PRRC2B: variants seen among roughly 807,000 people sequenced by gnomAD.
PRRC2B encodes protein PRRC2B.
A neutral mutation model predicts 242.3 loss-of-function variants in PRRC2B; 68 were observed. The observed-to-expected ratio is 0.28, with a 90% CI of 0.23 to 0.34. PRRC2B has a LOEUF of 0.34. PRRC2B is among the 10% of genes least tolerant of loss of function. PRRC2B has a pLI of 1.00. For missense variants in PRRC2B, 2,835 were observed against 2,954.8 expected, an observed-to-expected ratio of 0.96 and a Z score of 0.94; for synonymous variants, 1,228 against 1,173.6, an observed-to-expected ratio of 1.05 and a Z score of -0.95.
intron 26 of PRRC2B, among the ~76,000 whole-genome samples, chr9:131,486,914 G>A (rs577758426): frequency 7.9e-5 from 12 of 152,336 alleles, no homozygotes; most frequent in Admixed American, 2.0e-4. Context: ...CTCTGTTGAC[G>A]TATGTGCTAG....
chr9:131,410,565 A>G (rs1479998700), intron 1 of PRRC2B, among the ~76,000 whole-genome samples: 1 of 152,216 alleles, frequency 6.6e-6, no homozygotes, highest in Admixed American at 6.5e-5. Context: ...GTTCAGGTTC[A>G]GATTTTTTAG....
rs1037728183 is a variant in PRRC2B, at chr9:131,453,383, T to C, written c.1121-1693T>C. Among the ~76,000 whole-genome samples the C allele has an allele frequency of 6.6e-5, 10 of 152,224 alleles. No individual in the cohort carries two copies. The South Asian group carries it at 1.7e-3, about 25-fold the overall frequency. ...TTAGATTGAGTTTTTGTTGTTACCT[T>C]TTAAATTTTTTTAATTTTAATTTAA... is the stretch of plus-strand genomic sequence containing the variant. On this transcript the variant is annotated intron_variant, in intron 9 of 31. Transcript: ENST00000683519.
In PRRC2B at chr9:131,436,741, T is replaced by A; in HGVS notation, c.396+19T>A. On this transcript the variant is annotated intron_variant, in intron 4 of 31. Transcript: ENST00000683519. ...TCAGGAGGTAGGTGCTGGGACCCCA[T>A]CCCAACTGTTTCCTGGGCATGGTAG... The A allele has an allele frequency of 6.3e-7, 1 of 1,591,174 alleles. No individual in the cohort carries two copies. The highest frequency in any genetic ancestry group is 8.6e-7 in the Non-Finnish European group (1 of 1,160,932).
In PRRC2B at chr9:131,500,123, A is replaced by G. The variant is rs1006598307; in HGVS notation, c.*4249A>G. On this transcript the variant is annotated 3_prime_UTR_variant, in exon 32 of 32. Coordinates refer to ENST00000683519, the MANE Select transcript of PRRC2B (RefSeq NM_013318.4). Reference sequence around the variant, plus strand: ...TCAGTACCTATTGTTTCTCCTTTCAAATATGTGATTGTACTAGCTCTTTCC... The same window carrying G: ...TCAGTACCTATTGTTTCTCCTTTCAGATATGTGATTGTACTAGCTCTTTCC... 1 of 152,146 alleles carries G rather than the reference A, an allele frequency of 6.6e-6. No homozygotes were observed. Among genetic ancestry groups the G allele is most frequent in the African/African-American group, 2.4e-5 (1 of 41,418 alleles). 9.4% of individuals were successfully genotyped at this position (152,146 alleles called of 1,614,324 possible).
chr9:131,377,433 T>A (rs939900071), intron 1 of PRRC2B, among the ~76,000 whole-genome samples: 1 of 152,222 alleles, frequency 6.6e-6, no homozygotes, highest in African/African-American at 2.4e-5. Context: ...ATTTTTTTTT[T>A]ATACCTCCAC....
chr9:131,429,859 G>T (rs1180476814), intron 1 of PRRC2B, among the ~76,000 whole-genome samples: 1 of 152,008 alleles, frequency 6.6e-6, no homozygotes, highest in African/African-American at 2.4e-5. Flanking sequence ...GGGGTTGGGG[G>T]GGTACTCCAC....
rs1156717092 is a variant in PRRC2B, at chr9:131,486,093, C to T, written c.5767C>T (p.Leu1923Phe). Residue 1923 changes from leucine to phenylalanine, a missense_variant, in exon 26 of 32, where the codon CTC becomes TTC. Coordinates refer to ENST00000683519, the MANE Select transcript of PRRC2B (RefSeq NM_013318.4). ...TGCCGCTCTGTTTCCAGGCAGCCACCTCCCGCCCCTGTACCTGGATGGCCA... is the reference window on the plus strand; with the variant it reads ...TGCCGCTCTGTTTCCAGGCAGCCACTTCCCGCCCCTGTACCTGGATGGCCA... ...APSASMPGSH[L>F]PPLYLDGHVF... is the part of the protein sequence containing the mutation. 3 of 1,611,624 alleles carry T rather than the reference C, an allele frequency of 1.9e-6. No individual in the cohort carries two copies. Among genetic ancestry groups the T allele is most frequent in the Middle Eastern group, 1.7e-4 (1 of 6,058 alleles).
intron 1 of PRRC2B, among the ~76,000 whole-genome samples, chr9:131,402,522 T>G (rs1837253716): frequency 6.6e-6 from 1 of 152,192 alleles, no homozygotes; most frequent in African/African-American, 2.4e-5. Context: ...GTAGATAGTT[T>G]TGTTTTCATG....
At chr9:131,391,993 G>A (rs1458296733), upstream of PRRC2B, among the ~76,000 whole-genome samples, 3 of 151,858 alleles carry the variant, frequency 2.0e-5, no homozygotes, top group South Asian at 2.1e-4. Flanking sequence ...TGCCTGCCTC[G>A]GCCTCCCAAA....
chr9:131,435,234 G>A (rs1838311342), intron 3 of PRRC2B, among the ~76,000 whole-genome samples: 1 of 151,526 alleles, frequency 6.6e-6, no homozygotes. Context: ...GGAGGCAGAG[G>A]TTGCAGTGAG....
At chr9:131,423,141 G>A (rs528863538) in intron 1 of PRRC2B, among the ~76,000 whole-genome samples, 81 of 152,320 alleles carry the variant, frequency 5.3e-4, no homozygotes, top group Admixed American at 1.4e-3. Context: ...GCCTACAGAA[G>A]GGAGAGAAGG....
intron 11 of PRRC2B, among the ~76,000 whole-genome samples, chr9:131,461,477 G>A (rs562811797): frequency 2.0e-5 from 3 of 152,328 alleles, no homozygotes; most frequent in Admixed American, 6.5e-5. Flanking sequence ...GGAGGGCTGG[G>A]GAAGGGGGAG....
chr9:131,480,008 T>C (rs1182748445), intron 19 of PRRC2B, among the ~76,000 whole-genome samples: 2 of 152,172 alleles, frequency 1.3e-5, no homozygotes, highest in African/African-American at 4.8e-5. Context: ...AGGTTCTTCT[T>C]GAGGTTTAGG....
intron 1 of PRRC2B, among the ~76,000 whole-genome samples, chr9:131,409,037 C>T (rs1260773089): frequency 0.021 from 2,286 of 108,290 alleles, 71 homozygotes; most frequent in African/African-American, 0.077. Flanking sequence ...TTTTTTTTTT[C>T]CTGAGATGGA....
chr9:131,427,310 T>C (rs556267410), intron 1 of PRRC2B, among the ~76,000 whole-genome samples: 2 of 151,994 alleles, frequency 1.3e-5, no homozygotes, highest in Admixed American at 1.3e-4. Flanking sequence ...CTATGTTTCA[T>C]TTGGATCATA....
At chr9:131,466,422 G>A (rs1588268802) in intron 12 of PRRC2B, among the ~76,000 whole-genome samples, 1 of 152,336 alleles carries the variant, frequency 6.6e-6, no homozygotes, top group East Asian at 1.9e-4. Flanking sequence ...ATGAAGAAAT[G>A]GCCAAGGAGA....
chr9:131,492,389 C>T lies in PRRC2B; in HGVS notation c.6473+129C>T, dbSNP rs941216385. ...CCTGGTCCCTCTATGGGCCATGTGTCACTGTGGTGTTTCAGCACTGGGATG... is the reference window on the plus strand; with the variant it reads ...CCTGGTCCCTCTATGGGCCATGTGTTACTGTGGTGTTTCAGCACTGGGATG... On this transcript the variant is annotated intron_variant, in intron 30 of 31. Transcript: ENST00000683519. 28 of 672,306 alleles carry T rather than the reference C, an allele frequency of 4.2e-5. No homozygotes were observed. In the Middle Eastern group the frequency reaches 2.6e-3, roughly 63 times the overall value. The allele number at this position is 672,306 out of a possible 1,614,324, so 41.6% of individuals were successfully genotyped here. A position where few individuals can be genotyped will look rare whatever the true frequency, so the allele number is the denominator to read the frequency against.
At chr9:131,406,300 ATC>A (rs1837359430) in intron 1 of PRRC2B, among the ~76,000 whole-genome samples, 1 of 152,158 alleles carries the variant, frequency 6.6e-6, no homozygotes, top group Admixed American at 6.5e-5. Context: ...TCTTCTGTAC[ATC>A]TCTCCACAAT....
rs143349551 is a variant in PRRC2B, at chr9:131,472,679, A to G, written c.2108-829A>G. 3.1e-3 allele frequency among the ~76,000 whole-genome samples: 474 copies of G among 151,928 alleles called. 2 individuals carry two copies. Among genetic ancestry groups the G allele is most frequent in the African/African-American group, 0.011 (461 of 41,400 alleles). ...TTTTTAGTAGAGACGGGGTTTCACT[A>G]TGTTGGTCAGGCTGGTCTCGAACTC... is the stretch of plus-strand genomic sequence containing the variant. On this transcript the variant is annotated intron_variant, in intron 14 of 31. Coordinates refer to ENST00000683519, the MANE Select transcript of PRRC2B (RefSeq NM_013318.4).
Sources: allele counts gnomAD v4.1 joint callset (sites outside exome capture counted in the v4.1 genomes callset), GRCh38; gene constraint gnomAD v4.1.1; transcripts MANE v1.5; gene names NCBI Gene and HGNC (gene_info 2026-07-23, HGNC 2026-07-21).